Variants in CDC27 observed in about 807,000 individuals in gnomAD.
CDC27 encodes cell division cycle 27, also known as cell division cycle protein 27 homolog.
A neutral mutation model predicts 109.7 loss-of-function variants in CDC27; 27 were observed. That is an observed-to-expected ratio of 0.25 (90% CI 0.18 to 0.34). The LOEUF (loss-of-function observed/expected upper bound fraction) is 0.34, where lower values mean the gene tolerates loss of function less well. Among genes scored for constraint, CDC27 ranks in the 10% least tolerant of loss-of-function variants. The pLI is 1.00. For synonymous variants in CDC27, 266 were observed against 333.9 expected (o/e 0.80, Z 2.22); for missense variants, 579 against 960.2 (o/e 0.60, Z 5.25).
At chr17:47,184,162 T>TA (rs1274868973) in intron 1 of CDC27, among the ~76,000 whole-genome samples, 3 of 152,206 alleles carry the variant, frequency 2.0e-5, no homozygotes, top group Non-Finnish European at 2.9e-5. Context: ...TTGTGGGAAA[T>TA]ACTCAACTTT....
At chr17:47,137,480 T>C (rs1312805819) in intron 13 of CDC27, 120 bp from the exon 14 acceptor site, 1 of 526,712 alleles carries the variant, frequency 1.9e-6, no homozygotes, top group Non-Finnish European at 3.3e-6. Flanking sequence ...GGAGCTTCAG[T>C]AGATACTCAA....
In CDC27 at chr17:47,120,063, A is replaced by C. The variant is rs2061949829; in HGVS notation, c.*872T>G. Reference sequence around the variant, plus strand: ...ATCATGATCTCTTAAAAGTCTCTCCACTTTAGTGTTCTCCTTCTGATTCAT... The same window carrying C: ...ATCATGATCTCTTAAAAGTCTCTCCCCTTTAGTGTTCTCCTTCTGATTCAT... On this transcript the variant is annotated 3_prime_UTR_variant, in exon 19 of 19. Coordinates refer to ENST00000066544, the MANE Select transcript of CDC27 (RefSeq NM_001256.6). 1 of 152,146 alleles carries C rather than the reference A, an allele frequency of 6.6e-6. No homozygotes were observed. Among genetic ancestry groups the C allele is most frequent in the Admixed American group, 6.5e-5 (1 of 15,274 alleles). The allele number at this position is 152,146 out of a possible 1,614,324, so 9.4% of individuals were successfully genotyped here. A position where few individuals can be genotyped will look rare whatever the true frequency, so the allele number is the denominator to read the frequency against.
At chr17:47,174,742 G>A (rs1210459491) in intron 2 of CDC27, among the ~76,000 whole-genome samples, 1 of 152,134 alleles carries the variant, frequency 6.6e-6, no homozygotes, top group Non-Finnish European at 1.5e-5. Flanking sequence ...GATCACCTGA[G>A]GTCAAGAGTT....
intron 15 of CDC27, among the ~76,000 whole-genome samples, chr17:47,130,225 G>T (rs896709283): frequency 6.6e-6 from 1 of 152,170 alleles, no homozygotes; most frequent in Non-Finnish European, 1.5e-5. Context: ...GCCGGGCGTG[G>T]TGTCACACGC....
At chr17:47,185,811 A>G (rs1442267661) in intron 1 of CDC27, among the ~76,000 whole-genome samples, 1 of 152,218 alleles carries the variant, frequency 6.6e-6, no homozygotes, top group African/African-American at 2.4e-5. Flanking sequence ...ATACATTATA[A>G]TTGAATTTCT....
At chr17:47,178,553 GAA>G (rs3032863) in intron 2 of CDC27, among the ~76,000 whole-genome samples, 84,461 of 137,804 alleles carry the variant, frequency 0.61, 25,739 homozygotes, top group Admixed American at 0.69. Flanking sequence ...ATAAAAATAA[GAA>G]AAAAAAAAAA....
intron 2 of CDC27, among the ~76,000 whole-genome samples, chr17:47,174,968 A>AACAGG (rs779367027): frequency 1.9e-4 from 22 of 116,154 alleles, no homozygotes; most frequent in African/African-American, 3.7e-4. Flanking sequence ...GGACTATCGA[A>AACAGG]ACAGGACAGG....
chr17:47,149,458 C>T (rs1209880917), intron 9 of CDC27, among the ~76,000 whole-genome samples: 2 of 147,838 alleles, frequency 1.4e-5, no homozygotes, highest in African/African-American at 5.0e-5. Flanking sequence ...TTGCAGTGAG[C>T]CGAGATCGTG....
intron 8 of CDC27, among the ~76,000 whole-genome samples, chr17:47,153,258 A>G (rs558689729): frequency 6.6e-6 from 1 of 152,354 alleles, no homozygotes; most frequent in East Asian, 1.9e-4. Flanking sequence ...GAGGCAGAAG[A>G]GGATGAGAGA....
chr17:47,135,307 G>C (rs1420336896), intron 14 of CDC27, among the ~76,000 whole-genome samples: 6 of 152,052 alleles, frequency 3.9e-5, no homozygotes, highest in Admixed American at 6.6e-5. Flanking sequence ...ATGTAATAGT[G>C]TATTAGGTTA....
At chr17:47,176,538 A>G (rs901023195) in intron 2 of CDC27, among the ~76,000 whole-genome samples, 3 of 152,226 alleles carry the variant, frequency 2.0e-5, no homozygotes, top group African/African-American at 7.2e-5. Flanking sequence ...AAGGCTCCTT[A>G]GTGTTTGAGG....
chr17:47,158,590 A>G (rs2063391951), intron 4 of CDC27, among the ~76,000 whole-genome samples: 2 of 152,126 alleles, frequency 1.3e-5, no homozygotes, highest in Non-Finnish European at 2.9e-5. Flanking sequence ...GAGATGTGAA[A>G]AACATCCAAA....
At chr17:47,159,331 A>C in intron 4 of CDC27, 4 of 684,946 alleles carry the variant, frequency 5.8e-6, no homozygotes, top group Non-Finnish European at 9.4e-6. Flanking sequence ...AGGTAGTTGT[A>C]GGTCTTAGAG....
intron 2 of CDC27, among the ~76,000 whole-genome samples, chr17:47,175,090 G>T (rs1009147312): frequency 5.7e-5 from 6 of 106,106 alleles, no homozygotes; most frequent in East Asian, 4.6e-4. Flanking sequence ...AGGAAGGAAG[G>T]AAGGAAGTAA....
At chr17:47,161,061 C>CTT (rs753145126) in intron 4 of CDC27, 7 of 141,532 alleles carry the variant, frequency 4.9e-5, no homozygotes, top group African/African-American at 7.7e-5. Context: ...AAATTTCTTT[C>CTT]TTTTTTTTTT....
At chr17:47,158,676 T>C (rs1303173103) in intron 4 of CDC27, among the ~76,000 whole-genome samples, 1 of 151,572 alleles carries the variant, frequency 6.6e-6, no homozygotes, top group Non-Finnish European at 1.5e-5. Flanking sequence ...TGAAGTGCAG[T>C]GGCATGATCT....
Position 47,142,526 on chromosome 17 carries a change from T to C in CDC27, c.1171-90A>G, listed in dbSNP as rs11570525. 318 of 554,466 alleles carry C rather than the reference T, an allele frequency of 5.7e-4. 1 individual carries two copies. The highest frequency in any genetic ancestry group is 5.4e-3 in the African/African-American group (288 of 52,904). 34.3% of individuals were successfully genotyped at this position (554,466 alleles called of 1,614,324 possible). A position where few individuals can be genotyped will look rare whatever the true frequency, so the allele number is the denominator to read the frequency against. ...TCTCCAGTATTAGATATAAAATAAATGTACAATCTTGATTAATTCTATATT... is the reference window on the plus strand; with the variant it reads ...TCTCCAGTATTAGATATAAAATAAACGTACAATCTTGATTAATTCTATATT... On this transcript the variant is annotated intron_variant, in intron 10 of 18. Coordinates refer to ENST00000066544, the MANE Select transcript of CDC27 (RefSeq NM_001256.6).
chr17:47,140,895 C>T (rs2062773883), intron 12 of CDC27, among the ~76,000 whole-genome samples: 1 of 152,198 alleles, frequency 6.6e-6, no homozygotes, highest in Non-Finnish European at 1.5e-5. Flanking sequence ...TAGATCTTTG[C>T]ATGGATCATG....
intron 1 of CDC27, chr17:47,188,773 C>T (rs567790512): frequency 9.4e-7 from 1 of 1,063,080 alleles, no homozygotes; most frequent in Non-Finnish European, 1.2e-6. Flanking sequence ...AAGCTCCGAT[C>T]AAATGTGCTT....
Sources: allele counts gnomAD v4.1 joint callset (sites outside exome capture counted in the v4.1 genomes callset), GRCh38; gene constraint gnomAD v4.1.1; transcripts MANE v1.5; gene names NCBI Gene and HGNC (gene_info 2026-07-23, HGNC 2026-07-21).